Variants in WDR75 observed in about 807,000 individuals in gnomAD.
WDR75 encodes the protein WD repeat-containing protein 75.
WDR75 carries 52 observed loss-of-function variants against 106.1 expected under a neutral mutation model. That is an observed-to-expected ratio of 0.49 (90% CI 0.39 to 0.62). The LOEUF (loss-of-function observed/expected upper bound fraction) is 0.62, where lower values mean the gene tolerates loss of function less well. Ranked by LOEUF, WDR75 falls within the 20% of genes least tolerant of loss-of-function variation. WDR75 has a pLI of 0.00. For synonymous variants in WDR75, 333 were observed against 335.5 expected (o/e 0.99, Z 0.08); for missense variants, 905 against 970.3 (o/e 0.93, Z 0.89).
At position 189,441,507 on chromosome 2, in the gene WDR75, G is replaced by A. The variant is rs184898500; in HGVS notation, c.15G>A (p.Glu5=). MVEE[E]NIRVVRCGGS... is the part of the protein sequence containing the mutation. ...ACTGCGCAAAGATGGTGGAGGAGGA[G>A]AACATCCGCGTGGTTCGTTGTGGCG... is the stretch of plus-strand genomic sequence containing the variant. Residue 5 remains glutamate (E), a synonymous_variant, in exon 1 of 21, where the codon GAG becomes GAA. Transcript: ENST00000314761. 4.9e-4 allele frequency: 770 copies of A among 1,564,868 alleles called. 13 individuals are homozygous for A. The Admixed American group carries it at 0.013, about 27-fold the overall frequency.
At chr2:189,474,409 A>G in intron 19 of WDR75, 77 bp downstream of exon 19, 4 of 1,489,870 alleles carry the variant, frequency 2.7e-6, no homozygotes, top group South Asian at 2.6e-5. Flanking sequence ...GACACAGTCA[A>G]TCTGTAATTT....
At chr2:189,474,969 T>A (rs997440982) in intron 20 of WDR75, among the ~76,000 whole-genome samples, 161 bp downstream of exon 20, 1 of 152,218 alleles carries the variant, frequency 6.6e-6, no homozygotes, top group Non-Finnish European at 1.5e-5. Flanking sequence ...GTAACATACA[T>A]TGAAAATAAG....
intron 7 of WDR75, 28 bp from the exon 8 acceptor site, chr2:189,459,308 A>G: frequency 1.3e-6 from 2 of 1,558,350 alleles, no homozygotes; most frequent in Non-Finnish European, 1.8e-6. Context: ...CCTATGGTCA[A>G]AATAAGAGTT....
rs1686817483 is a variant in WDR75, at chr2:189,459,567, G to A, written c.778+143G>A. The stretch of plus-strand genomic sequence containing the variant: ...CTTGTGTGTTACCCCTGTATTTTGG[G>A]CTTTGCTCAGCACAATATGCTTTAG... On this transcript the variant is annotated intron_variant, in intron 8 of 20. Transcript: ENST00000314761. 4.0e-6 allele frequency: 3 copies of A among 743,070 alleles called. No individual in the cohort carries two copies. In the Admixed American group the frequency reaches 8.5e-5, roughly 21 times the overall value. 46.0% of individuals were successfully genotyped at this position (743,070 alleles called of 1,614,324 possible). A position where few individuals can be genotyped will look rare whatever the true frequency, so the allele number is the denominator to read the frequency against.
chr2:189,468,501 G>C lies in WDR75; in HGVS notation c.1655G>C (p.Cys552Ser), dbSNP rs1255390514. ...IRHLCFGRLT[C>S]SKYLLGATEN... ...CACCTTTGCTTTGGGAGATTGACGT[G>C]TTCAAAGTATCTACTTGGTGCTACT... The change falls in exon 15 of 21, where the codon TGT becomes TCT. Residue 552 changes from cysteine (C) to serine (S), a missense_variant. By Grantham distance (112) the Cys-to-Ser change is moderately radical (BLOSUM62 -1). Transcript: ENST00000314761. 21 of 1,613,222 alleles carry C rather than the reference G, an allele frequency of 1.3e-5. No homozygotes were observed. Among genetic ancestry groups the C allele is most frequent in the Non-Finnish European group, 1.8e-5 (21 of 1,179,458 alleles).
chr2:189,450,624 A>T (rs1450048094), intron 2 of WDR75: 1 of 1,219,882 alleles, frequency 8.2e-7, no homozygotes, highest in Admixed American at 4.6e-5. Flanking sequence ...GGTGCTTTTC[A>T]TATCTCATTC....
At chr2:189,450,713 G>A in intron 2 of WDR75, 190 bp from the exon 3 acceptor site, 2 of 1,394,190 alleles carry the variant, frequency 1.4e-6, no homozygotes, top group East Asian at 5.8e-5. Flanking sequence ...GAAATGGATG[G>A]ATCTGCTTCT....
At chr2:189,454,092 G>A (rs1040494958) in intron 4 of WDR75, among the ~76,000 whole-genome samples, 2 of 152,050 alleles carry the variant, frequency 1.3e-5, no homozygotes, top group Non-Finnish European at 2.9e-5. Context: ...GATGAAAGGT[G>A]GTCTAGAGAA....
intron 3 of WDR75, among the ~76,000 whole-genome samples, 189 bp downstream of exon 3, chr2:189,451,157 A>G (rs1452654456): frequency 3.3e-5 from 5 of 152,222 alleles, no homozygotes; most frequent in Non-Finnish European, 7.3e-5. Flanking sequence ...TAAAGCTGGA[A>G]GAAGATATTT....
At position 189,457,532 on chromosome 2, in the gene WDR75, A is replaced by G. The variant is rs551429689; in HGVS notation, c.569+151A>G. 1.2e-4 allele frequency: 71 copies of G among 593,548 alleles called. No homozygotes were observed. The East Asian group carries it at 1.9e-3, about 16-fold the overall frequency. 36.8% of individuals were successfully genotyped at this position (593,548 alleles called of 1,614,324 possible). On this transcript the variant is annotated intron_variant, in intron 6 of 20. Coordinates refer to ENST00000314761, the MANE Select transcript of WDR75 (RefSeq NM_032168.3). ...AAGTATGGAGGTACAGTTTTTAACC[A>G]TACCGTATAGTTTTTAAGCATACTA...
chr2:189,469,580 A>G, intron 16 of WDR75, 141 bp downstream of exon 16: 1 of 650,800 alleles, frequency 1.5e-6, no homozygotes, highest in Non-Finnish European at 2.7e-6. Flanking sequence ...CTTTGCCCCA[A>G]CACTTTGTCA....
intron 2 of WDR75, chr2:189,450,441 C>T: frequency 1.1e-6 from 1 of 874,942 alleles, no homozygotes; most frequent in African/African-American, 1.8e-5. Flanking sequence ...CAGCTCACTG[C>T]AACCTCAGCC....
intron 18 of WDR75, among the ~76,000 whole-genome samples, chr2:189,472,122 T>C (rs527804102): frequency 1.3e-5 from 2 of 152,282 alleles, no homozygotes; most frequent in South Asian, 4.1e-4. Context: ...GATACAGTAG[T>C]GAGAAAAGTA....
intron 8 of WDR75, among the ~76,000 whole-genome samples, chr2:189,460,510 G>T (rs183506200): frequency 0.026 from 3,742 of 144,256 alleles, 158 homozygotes; most frequent in African/African-American, 0.086. Context: ...CCAGGCAGGG[G>T]TTTTTTTTTT....
At chr2:189,461,614 A>C (rs769725604) in intron 8 of WDR75, among the ~76,000 whole-genome samples, 3 of 152,206 alleles carry the variant, frequency 2.0e-5, no homozygotes, top group Non-Finnish European at 4.4e-5. Flanking sequence ...TTTCTCTTAT[A>C]ATCAGCTAAA....
At chr2:189,451,686 C>T (rs1356208161) in intron 3 of WDR75, 119 bp from the exon 4 acceptor site, 4 of 774,132 alleles carry the variant, frequency 5.2e-6, no homozygotes, top group African/African-American at 3.5e-5. Context: ...AGGCCAGGTA[C>T]TCTCCTTATG....
chr2:189,470,760 C>A, intron 17 of WDR75, 59 bp from the exon 18 acceptor site: 1 of 1,371,826 alleles, frequency 7.3e-7, no homozygotes, highest in African/African-American at 1.5e-5. Flanking sequence ...CCCTGTAACA[C>A]CTTGTTTAGA....
intron 1 of WDR75, among the ~76,000 whole-genome samples, chr2:189,443,027 A>ATT (rs1230006753): frequency 6.6e-6 from 1 of 152,188 alleles, no homozygotes; most frequent in Non-Finnish European, 1.5e-5. Flanking sequence ...CCAACAATTC[A>ATT]TTTTTTAAGT....
chr2:189,464,787 TA>T (rs1401717536), intron 11 of WDR75, among the ~76,000 whole-genome samples: 1 of 152,122 alleles, frequency 6.6e-6, no homozygotes, highest in Non-Finnish European at 1.5e-5. Context: ...AGCACTACTA[TA>T]AATTAACGGT....
Sources: allele counts gnomAD v4.1 joint callset (sites outside exome capture counted in the v4.1 genomes callset), GRCh38; gene constraint gnomAD v4.1.1; transcripts MANE v1.5; gene names NCBI Gene and HGNC (gene_info 2026-07-23, HGNC 2026-07-21).